Variants in ZBTB20 observed in about 807,000 individuals in gnomAD.
ZBTB20 encodes the protein zinc finger and BTB domain-containing protein 20.
In ZBTB20, 9 loss-of-function variants were observed where a neutral mutation model predicts 56.9. The ratio of observed to expected loss-of-function variants is 0.16; its 90% CI spans 0.10 to 0.28. ZBTB20 has a LOEUF of 0.28. Among genes scored for constraint, ZBTB20 ranks in the 10% least tolerant of loss-of-function variants. The probability of loss-of-function intolerance (pLI) is 1.00; values close to 1 mark genes in which losing one functional copy is unlikely to be tolerated. For synonymous variants in ZBTB20, 417 were observed against 420.7 expected, an observed-to-expected ratio of 0.99 and a Z score of 0.11; for missense variants, 655 against 1,003.0, an observed-to-expected ratio of 0.65 and a Z score of 4.69.
At chr3:114,435,992 T>A (rs1248483178) in intron 7 of ZBTB20, among the ~76,000 whole-genome samples, 1 of 152,114 alleles carries the variant, frequency 6.6e-6, no homozygotes, top group Non-Finnish European at 1.5e-5. Context: ...TTAAAATGTG[T>A]TTGAAGTTCA....
chr3:115,025,235 G>A (rs1456991398), intron 2 of ZBTB20, among the ~76,000 whole-genome samples: 2 of 151,280 alleles, frequency 1.3e-5, no homozygotes, highest in Admixed American at 6.6e-5. Context: ...TAAGGCTAAC[G>A]GCTTACAGCC....
chr3:115,064,501 G>A (rs1420631969), intron 2 of ZBTB20, among the ~76,000 whole-genome samples: 1 of 139,482 alleles, frequency 7.2e-6, no homozygotes, highest in Non-Finnish European at 1.5e-5. Flanking sequence ...TCCCAGGCTG[G>A]AGTGCAATGG....
intron 5 of ZBTB20, among the ~76,000 whole-genome samples, chr3:114,788,322 C>G (rs191899942): frequency 6.6e-6 from 1 of 152,164 alleles, no homozygotes; most frequent in Admixed American, 6.6e-5. Context: ...TTTAACTTTT[C>G]CATATTCAAA....
At chr3:114,405,240 A>G (rs1258414302) in intron 7 of ZBTB20, among the ~76,000 whole-genome samples, 1 of 152,128 alleles carries the variant, frequency 6.6e-6, no homozygotes, top group Non-Finnish European at 1.5e-5. Context: ...TCTTAAAAGA[A>G]GTTTAGTCAT....
intron 4 of ZBTB20, among the ~76,000 whole-genome samples, chr3:114,874,575 A>T (rs148322544): frequency 6.6e-6 from 1 of 152,322 alleles, no homozygotes; most frequent in East Asian, 1.9e-4. Context: ...CATATTCGTC[A>T]TCACCACTCT....
intron 3 of ZBTB20, among the ~76,000 whole-genome samples, chr3:114,933,772 T>C (rs900052247): frequency 2.6e-5 from 4 of 152,226 alleles, no homozygotes; most frequent in African/African-American, 7.2e-5. Flanking sequence ...TGTTACTTAA[T>C]AATCCTTCCA....
intron 7 of ZBTB20, among the ~76,000 whole-genome samples, chr3:114,434,354 T>C (rs1263992115): frequency 6.6e-6 from 1 of 152,094 alleles, no homozygotes; most frequent in African/African-American, 2.4e-5. Flanking sequence ...GATGTGACGA[T>C]GGAGTTCGGG....
chr3:114,381,814 G>A (rs1440138437), intron 8 of ZBTB20, among the ~76,000 whole-genome samples: 1 of 152,206 alleles, frequency 6.6e-6, no homozygotes, highest in Non-Finnish European at 1.5e-5. Flanking sequence ...AGGGCAGGAG[G>A]CAGAGATGGC....
rs368166792 is a variant in ZBTB20, at chr3:114,691,156, T to A, written c.-295+2372A>T. ...TCACTGATGAGATTTTACAATCAAC[T>A]GTTACATGTTAGAAAATATGATGTC... On this transcript the variant is annotated intron_variant, in intron 6 of 11. Coordinates refer to ENST00000675478, the MANE Select transcript of ZBTB20 (RefSeq NM_001348800.3). Among the ~76,000 whole-genome samples, 26 of 152,296 alleles carry A rather than the reference T, an allele frequency of 1.7e-4. No individual in the cohort carries two copies. In the East Asian group the frequency reaches 1.7e-3, roughly 10 times the overall value.
rs1254429157 is a variant in ZBTB20 at position 114,539,455 on chromosome 3, G to A, written c.-294-39064C>T. ...GCTTCCACATACACAGCTCTTATTTGCTTCTCTACCTTAGGACATAAGCAA... is the reference window on the plus strand; with the variant it reads ...GCTTCCACATACACAGCTCTTATTTACTTCTCTACCTTAGGACATAAGCAA... On this transcript the variant is annotated intron_variant, in intron 6 of 11. Coordinates refer to ENST00000675478, the MANE Select transcript of ZBTB20 (RefSeq NM_001348800.3). Among the ~76,000 whole-genome samples, 4 of 152,116 alleles carry A rather than the reference G, an allele frequency of 2.6e-5. No individual in the cohort carries two copies. In the East Asian group the frequency reaches 7.7e-4, roughly 29 times the overall value.
rs1313567816 is a variant in ZBTB20, at chr3:114,326,562, ACTGTCC to A, written c.*12437_*12442del. 4 of 152,150 alleles carry A rather than the reference ACTGTCC, an allele frequency of 2.6e-5. No individual in the cohort carries two copies. The highest frequency in any genetic ancestry group is 9.7e-5 in the African/African-American group (4 of 41,440). 9.4% of individuals were successfully genotyped at this position (152,150 alleles called of 1,614,324 possible). A position where few individuals can be genotyped will look rare whatever the true frequency, so the allele number is the denominator to read the frequency against. On this transcript the variant is annotated 3_prime_UTR_variant, in exon 12 of 12. Coordinates refer to ENST00000675478, the MANE Select transcript of ZBTB20 (RefSeq NM_001348800.3). The stretch of plus-strand genomic sequence containing the variant: ...TACAGTAAGGGTGAGCAGTTATTTG[ACTGTCC>A]ATGGACAGTAACAAATTAAGAAATA...
chr3:114,862,406 T>G (rs1432182980), intron 4 of ZBTB20, among the ~76,000 whole-genome samples: 1 of 62,930 alleles, frequency 1.6e-5, no homozygotes, highest in East Asian at 3.1e-4. Flanking sequence ...ATGGCATCTG[T>G]TTTTTTTTTT....
chr3:114,886,906 G>A (rs147389523), intron 4 of ZBTB20, among the ~76,000 whole-genome samples: 3 of 152,232 alleles, frequency 2.0e-5, no homozygotes, highest in East Asian at 3.9e-4. Context: ...CGCCTATAAC[G>A]GAATACTTGT....
At chr3:114,533,446 G>C (rs1183020342) in intron 6 of ZBTB20, among the ~76,000 whole-genome samples, 1 of 151,956 alleles carries the variant, frequency 6.6e-6, no homozygotes, top group Admixed American at 6.6e-5. Flanking sequence ...AGAGAAAAAA[G>C]AATGAAAAGG....
chr3:114,623,406 C>T (rs970000654), intron 6 of ZBTB20, among the ~76,000 whole-genome samples: 1 of 152,110 alleles, frequency 6.6e-6, no homozygotes, highest in Non-Finnish European at 1.5e-5. Context: ...ACTGTGAGGA[C>T]AGTCATTTAG....
intron 7 of ZBTB20, among the ~76,000 whole-genome samples, chr3:114,479,432 C>A (rs965550138): frequency 1.3e-5 from 2 of 152,142 alleles, no homozygotes; most frequent in African/African-American, 4.8e-5. Context: ...TGTCCTTTAT[C>A]CTCAGTAGAG....
At chr3:114,958,655 C>T (rs1245028489) in intron 3 of ZBTB20, among the ~76,000 whole-genome samples, 1 of 152,006 alleles carries the variant, frequency 6.6e-6, no homozygotes. Flanking sequence ...TGAGACCAGC[C>T]TGGCCAACAT....
At chr3:114,900,845 C>T (rs886797429) in intron 3 of ZBTB20, among the ~76,000 whole-genome samples, 1 of 152,042 alleles carries the variant, frequency 6.6e-6, no homozygotes, top group Admixed American at 6.6e-5. Context: ...TTTGAATGTT[C>T]GTTAACTTTG....
rs570768181 is a variant in ZBTB20, at chr3:114,567,127, T to C, written c.-294-66736A>G. Reference sequence around the variant, plus strand: ...CAATGGCCACACAGGGTGTTATGTGTGTGTTTGCCTGGAGTTATAGCTGCA... The same window carrying C: ...CAATGGCCACACAGGGTGTTATGTGCGTGTTTGCCTGGAGTTATAGCTGCA... On this transcript the variant is annotated intron_variant, in intron 6 of 11. Transcript: ENST00000675478. 3.9e-5 allele frequency among the ~76,000 whole-genome samples: 6 copies of C among 152,300 alleles called. No individual in the cohort carries two copies. The South Asian group carries it at 1.2e-3, about 32-fold the overall frequency.
Sources: allele counts gnomAD v4.1 joint callset (sites outside exome capture counted in the v4.1 genomes callset), GRCh38; gene constraint gnomAD v4.1.1; transcripts MANE v1.5; gene names NCBI Gene and HGNC (gene_info 2026-07-23, HGNC 2026-07-21).